CSMD1: variants seen among roughly 807,000 people sequenced by gnomAD.
CSMD1 encodes the protein CUB and Sushi multiple domains 1.
CSMD1 carries 213 observed loss-of-function variants against 417.5 expected under a neutral mutation model. The observed-to-expected ratio is 0.51, with a 90% CI of 0.46 to 0.57. The LOEUF is 0.57. Among genes scored for constraint, CSMD1 ranks in the 20% least tolerant of loss-of-function variants. CSMD1 has a pLI of 0.00. For missense variants in CSMD1, 6,923 were observed against 4,529.7 expected, an observed-to-expected ratio of 1.53 and a Z score of -15.17; for synonymous variants, 2,862 against 1,736.8, an observed-to-expected ratio of 1.65 and a Z score of -16.11.
At chr8:3,880,659 G>C (rs562237049) in intron 5 of CSMD1, among the ~76,000 whole-genome samples, 74 of 152,208 alleles carry the variant, frequency 4.9e-4, no homozygotes, top group African/African-American at 1.6e-3. Flanking sequence ...TTCCTGTAAA[G>C]TCTAAAAAGG....
rs1003674989 is a variant in CSMD1, at chr8:3,106,192, C to A, written c.6949+336G>T. On this transcript the variant is annotated intron_variant, in intron 46 of 69. Transcript: ENST00000635120. ...CTCGAGTCCAGAAGTTCAAGACCAGCCTGGGTAACATGTTGAAAACCCATT... is the reference window on the plus strand; with the variant it reads ...CTCGAGTCCAGAAGTTCAAGACCAGACTGGGTAACATGTTGAAAACCCATT... Among the ~76,000 whole-genome samples the A allele has an allele frequency of 3.4e-5, 5 of 147,866 alleles. No homozygotes were observed. The Admixed American group carries it at 3.5e-4, about 10-fold the overall frequency.
intron 18 of CSMD1, among the ~76,000 whole-genome samples, chr8:3,375,706 C>A (rs1419557516): frequency 6.6e-6 from 1 of 152,072 alleles, no homozygotes; most frequent in Non-Finnish European, 1.5e-5. Flanking sequence ...ATCCTGATGA[C>A]CAGCCCCCAT....
chr8:3,665,054 G>A (rs546289874), intron 7 of CSMD1, among the ~76,000 whole-genome samples: 2 of 152,032 alleles, frequency 1.3e-5, no homozygotes, highest in South Asian at 4.2e-4. Flanking sequence ...TTTCTCTGAT[G>A]TTTCCATGAC....
chr8:4,889,349 T>C (rs537118176), intron 1 of CSMD1, among the ~76,000 whole-genome samples: 1 of 152,236 alleles, frequency 6.6e-6, no homozygotes, highest in African/African-American at 2.4e-5. Context: ...TTTCTACAAA[T>C]GTGTCAACCT....
intron 2 of CSMD1, among the ~76,000 whole-genome samples, chr8:4,429,730 T>G (rs1797763696): frequency 6.6e-6 from 1 of 152,154 alleles, no homozygotes. Flanking sequence ...GTGGGTCTCC[T>G]GTAACCCACA....
chr8:4,107,644 G>A (rs183027491), intron 3 of CSMD1, among the ~76,000 whole-genome samples: 1 of 152,234 alleles, frequency 6.6e-6, no homozygotes, highest in Admixed American at 6.5e-5. Context: ...GAGCACCACC[G>A]AAAGCTCATT....
At chr8:3,662,407 T>G (rs1319051356) in intron 7 of CSMD1, among the ~76,000 whole-genome samples, 1 of 152,208 alleles carries the variant, frequency 6.6e-6, no homozygotes, top group African/African-American at 2.4e-5. Flanking sequence ...ATGTCAAGAC[T>G]CCATGCCACA....
intron 3 of CSMD1, among the ~76,000 whole-genome samples, chr8:4,222,621 G>A (rs910267975): frequency 6.6e-6 from 1 of 152,154 alleles, no homozygotes; most frequent in African/African-American, 2.4e-5. Flanking sequence ...CACAAATCAA[G>A]AACTGTCATT....
chr8:4,752,718 G>A (rs1226060628), intron 1 of CSMD1, among the ~76,000 whole-genome samples: 2 of 152,140 alleles, frequency 1.3e-5, no homozygotes, highest in East Asian at 1.9e-4. Flanking sequence ...TACCTTTGGG[G>A]CAACGAAAAA....
intron 1 of CSMD1, among the ~76,000 whole-genome samples, chr8:4,956,080 G>C (rs975257986): frequency 1.3e-5 from 2 of 152,110 alleles, no homozygotes; most frequent in Non-Finnish European, 2.9e-5. Flanking sequence ...AAACCACTTA[G>C]GGGAGAGTTA....
intron 6 of CSMD1, among the ~76,000 whole-genome samples, chr8:3,730,771 C>T (rs1343637429): frequency 1.3e-5 from 2 of 152,116 alleles, no homozygotes; most frequent in South Asian, 2.1e-4. Context: ...ATGTGTCACT[C>T]AGAGGTGATA....
At position 4,338,869 on chromosome 8, in the gene CSMD1, G is replaced by A. The variant is rs144292153; in HGVS notation, c.415+81084C>T. ...CTTTTTGAAAGAAGAAATTATGGAA[G>A]GTTTAGAAGAGAACCTTTTACTAGA... On this transcript the variant is annotated intron_variant, in intron 3 of 69. Coordinates refer to ENST00000635120, the MANE Select transcript of CSMD1 (RefSeq NM_033225.6). 3.6e-3 allele frequency among the ~76,000 whole-genome samples: 545 copies of A among 152,140 alleles called. 1 individual carries two copies. The highest frequency in any genetic ancestry group is 6.8e-3 in the Middle Eastern group (2 of 294).
At chr8:4,065,006 A>C (rs1246245619) in intron 3 of CSMD1, among the ~76,000 whole-genome samples, 1 of 152,144 alleles carries the variant, frequency 6.6e-6, no homozygotes, top group Non-Finnish European at 1.5e-5. Context: ...AAATCCACTT[A>C]AGTTGTTCAT....
intron 3 of CSMD1, among the ~76,000 whole-genome samples, chr8:4,362,500 T>G (rs1395927611): frequency 6.6e-6 from 1 of 152,180 alleles, no homozygotes; most frequent in African/African-American, 2.4e-5. Context: ...TCTTCCTCAT[T>G]TGTCTGCTTA....
chr8:4,270,865 C>G (rs1476896870), intron 3 of CSMD1, among the ~76,000 whole-genome samples: 1 of 152,170 alleles, frequency 6.6e-6, no homozygotes, highest in East Asian at 1.9e-4. Flanking sequence ...TGCTTGAAAT[C>G]CCCCTCTGAG....
chr8:3,181,294 A>T, intron 36 of CSMD1, 80 bp from the exon 37 acceptor site: 1 of 951,554 alleles, frequency 1.1e-6, no homozygotes, highest in Non-Finnish European at 1.6e-6. Context: ...GAGAATACTT[A>T]TTAGGCTTAC....
At chr8:3,316,219 C>G (rs17392307) in intron 23 of CSMD1, among the ~76,000 whole-genome samples, 15,576 of 152,134 alleles carry the variant, frequency 0.1, 997 homozygotes, top group Non-Finnish European at 0.14. Flanking sequence ...CAATTAGGTG[C>G]TAACTATATA....
chr8:4,008,209 T>C (rs1585123069), intron 4 of CSMD1, among the ~76,000 whole-genome samples: 1 of 152,102 alleles, frequency 6.6e-6, no homozygotes, highest in East Asian at 1.9e-4. Context: ...GAAAAATTAG[T>C]TCAAGTTCCA....
At chr8:3,886,954 T>A (rs10086152) in intron 5 of CSMD1, among the ~76,000 whole-genome samples, 9,410 of 152,262 alleles carry the variant, frequency 0.062, 722 homozygotes, top group African/African-American at 0.18. Flanking sequence ...GTGAAATGCA[T>A]GTCTTCAGAT....
Sources: gnomAD v4.1 joint callset for allele counts (sites outside exome capture counted in the v4.1 genomes callset) on GRCh38, gnomAD v4.1.1 for gene constraint, MANE v1.5 for transcripts, NCBI Gene and HGNC (gene_info 2026-07-23, HGNC 2026-07-21) for gene names.